Variants in DLGAP2 observed in about 807,000 individuals in gnomAD.
The protein encoded by DLGAP2 is DLG associated protein 2.
Under a neutral mutation model 100.3 loss-of-function variants are expected in DLGAP2, and 26 were observed. The ratio of observed to expected loss-of-function variants is 0.26; its 90% confidence interval spans 0.19 to 0.36. The LOEUF (loss-of-function observed/expected upper bound fraction) is 0.36. Ranked by LOEUF, DLGAP2 falls within the 10% of genes least tolerant of loss-of-function variation. The pLI is 1.00. For missense variants in DLGAP2, 1,858 were observed against 1,453.2 expected, an observed-to-expected ratio of 1.28 and a Z score of -4.53; for synonymous variants, 886 against 630.1, an observed-to-expected ratio of 1.41 and a Z score of -6.08.
chr8:860,178 G>A (rs1585942585), intron 1 of DLGAP2, among the ~76,000 whole-genome samples: 1 of 152,290 alleles, frequency 6.6e-6, no homozygotes, highest in East Asian at 1.9e-4. Context: ...CGTACTTCTT[G>A]TGGTAGCCTT....
rs181401074 is a variant in DLGAP2, at chr8:1,057,030, C to T, written c.73+149064C>T. On this transcript the variant is annotated intron_variant, in intron 2 of 14. Coordinates refer to ENST00000637795, the MANE Select transcript of DLGAP2 (RefSeq NM_001346810.2). Reference sequence around the variant, plus strand: ...TAACCCCAAGAACTCATGGACCCACCAGAATAATCCACACCCGCAGTTTGA... The same window carrying T: ...TAACCCCAAGAACTCATGGACCCACTAGAATAATCCACACCCGCAGTTTGA... Among the ~76,000 whole-genome samples the T allele has an allele frequency of 4.5e-4, 69 of 152,302 alleles. No individual in the cohort carries two copies. The East Asian group carries it at 9.2e-3, about 20-fold the overall frequency.
rs1584875192 is a variant in DLGAP2 at position 901,383 on chromosome 8, G to T, written c.19-6529G>T. Among the ~76,000 whole-genome samples, 3 of 152,326 alleles carry T rather than the reference G, an allele frequency of 2.0e-5. 1 individual carries two copies. The highest frequency in any genetic ancestry group is 2.0e-4 in the Admixed American group (3 of 15,310). ...CTCTATTATTTGAATTTCTTCCAAAGAAAGTTAACAGGTGAATCTCTTTAT... is the reference window on the plus strand; with the variant it reads ...CTCTATTATTTGAATTTCTTCCAAATAAAGTTAACAGGTGAATCTCTTTAT... On this transcript the variant is annotated intron_variant, in intron 1 of 14. Coordinates refer to ENST00000637795, the MANE Select transcript of DLGAP2 (RefSeq NM_001346810.2).
intron 5 of DLGAP2, among the ~76,000 whole-genome samples, chr8:1,563,752 C>T (rs1802276759): frequency 6.6e-6 from 1 of 152,094 alleles, no homozygotes; most frequent in African/African-American, 2.4e-5. Context: ...ACTGGTGTGG[C>T]ATGGCATTTA....
intron 3 of DLGAP2, among the ~76,000 whole-genome samples, chr8:1,490,315 G>C (rs750065487): frequency 2.6e-5 from 4 of 152,198 alleles, no homozygotes; most frequent in African/African-American, 7.2e-5. Flanking sequence ...AGCACCTTAC[G>C]TGCGGGGTTG....
intron 3 of DLGAP2, among the ~76,000 whole-genome samples, chr8:1,323,462 G>C (rs1800951869): frequency 6.6e-6 from 1 of 152,164 alleles, no homozygotes; most frequent in African/African-American, 2.4e-5. Context: ...CATGGCAAGG[G>C]AGCTCTTCCT....
intron 8 of DLGAP2, among the ~76,000 whole-genome samples, chr8:1,643,737 C>A (rs66837144): frequency 0.52 from 54 of 104 alleles, 10 homozygotes; most frequent in Non-Finnish European, 0.51. Context: ...TCACCCTCGA[C>A]CCCGCCGGCC....
chr8:1,655,754 C>T (rs10448100), intron 8 of DLGAP2, among the ~76,000 whole-genome samples: 35,799 of 152,120 alleles, frequency 0.24, 4,714 homozygotes, highest in East Asian at 0.47. Flanking sequence ...GTTGGCTAAC[C>T]CAACACCTTG....
intron 3 of DLGAP2, among the ~76,000 whole-genome samples, chr8:1,420,663 A>G (rs551295511): frequency 2.6e-5 from 4 of 152,252 alleles, no homozygotes; most frequent in Admixed American, 1.3e-4. Context: ...CTCCGACTGC[A>G]TTCCCTCTCG....
At chr8:1,183,807 C>A (rs975128181) in intron 2 of DLGAP2, among the ~76,000 whole-genome samples, 7 of 152,216 alleles carry the variant, frequency 4.6e-5, no homozygotes, top group African/African-American at 1.4e-4. Context: ...GTACGGAACA[C>A]CCTTTGCAAG....
chr8:1,498,123 G>C (rs551158301), intron 3 of DLGAP2, among the ~76,000 whole-genome samples: 1 of 152,324 alleles, frequency 6.6e-6, no homozygotes, highest in African/African-American at 2.4e-5. Context: ...TTGGCCATTG[G>C]TTGAAAGAGT....
chr8:782,840 C>T (rs907228404), intron 1 of DLGAP2, among the ~76,000 whole-genome samples: 4 of 152,198 alleles, frequency 2.6e-5, no homozygotes, highest in Non-Finnish European at 4.4e-5. Flanking sequence ...CCTGTTGGCC[C>T]TCTTCCGCGT....
intron 6 of DLGAP2, among the ~76,000 whole-genome samples, chr8:1,614,678 G>A (rs551220238): frequency 6.6e-6 from 1 of 152,228 alleles, no homozygotes; most frequent in Non-Finnish European, 1.5e-5. Flanking sequence ...CAGCAGAACT[G>A]ATATGCAGGT....
At chr8:1,243,191 C>G (rs191755289) in intron 2 of DLGAP2, among the ~76,000 whole-genome samples, 3 of 152,130 alleles carry the variant, frequency 2.0e-5, no homozygotes, top group African/African-American at 4.8e-5. Context: ...GTGGACACAC[C>G]AGGGGAGTGA....
At chr8:876,973 T>C (rs970441027) in intron 1 of DLGAP2, among the ~76,000 whole-genome samples, 1 of 151,898 alleles carries the variant, frequency 6.6e-6, no homozygotes, top group Non-Finnish European at 1.5e-5. Context: ...GGAATTTCCA[T>C]ATGGTTATTT....
At chr8:1,057,069 G>C (rs574011182) in intron 2 of DLGAP2, among the ~76,000 whole-genome samples, 1 of 152,198 alleles carries the variant, frequency 6.6e-6, no homozygotes, top group South Asian at 2.1e-4. Flanking sequence ...ACTACTGTGA[G>C]ATACATATTT....
chr8:753,914 G>T, intron 1 of DLGAP2: 1 of 152,364 alleles, frequency 6.6e-6, no homozygotes. Flanking sequence ...ATTGCCGCAG[G>T]AAGGGCCTTC....
rs114193098 is a variant in DLGAP2 at position 1,029,071 on chromosome 8, C to T, written c.73+121105C>T. On this transcript the variant is annotated intron_variant, in intron 2 of 14. Coordinates refer to ENST00000637795, the MANE Select transcript of DLGAP2 (RefSeq NM_001346810.2). ...AGGACTCTGCACTTTCAGCTGGAAA[C>T]AGGTAGTGAGGCTCTGTGAAGGGCT... 1.1e-3 allele frequency among the ~76,000 whole-genome samples: 170 copies of T among 152,294 alleles called. 1 individual carries two copies. Among genetic ancestry groups the T allele is most frequent in the African/African-American group, 4.0e-3 (167 of 41,568 alleles).
intron 2 of DLGAP2, among the ~76,000 whole-genome samples, chr8:1,057,613 CAA>C (rs1213487206): frequency 6.6e-6 from 1 of 152,194 alleles, no homozygotes; most frequent in Non-Finnish European, 1.5e-5. Flanking sequence ...TAAACACCGA[CAA>C]AGTCTTTCTG....
intron 1 of DLGAP2, among the ~76,000 whole-genome samples, chr8:900,099 G>T (rs968087994): frequency 5.3e-5 from 8 of 152,214 alleles, no homozygotes; most frequent in Admixed American, 3.9e-4. Flanking sequence ...TGGGTGGATG[G>T]TGGGCGGCCT....
Sources: allele counts gnomAD v4.1 joint callset (sites outside exome capture counted in the v4.1 genomes callset), GRCh38; gene constraint gnomAD v4.1.1; transcripts MANE v1.5; gene names NCBI Gene and HGNC (gene_info 2026-07-23, HGNC 2026-07-21).